Variants in TANGO6 observed in about 807,000 individuals in gnomAD.
TANGO6 encodes transport and golgi organization 6 homolog.
Under a neutral mutation model 114.2 loss-of-function variants are expected in TANGO6, and 90 were observed. That is an observed-to-expected ratio of 0.79 (90% CI 0.66 to 0.94). TANGO6 has a LOEUF of 0.94. TANGO6 is among the 40% of genes least tolerant of loss of function. TANGO6 has a pLI of 0.00. For missense variants in TANGO6, 1,274 were observed against 1,315.3 expected (o/e 0.97, Z 0.49); for synonymous variants, 477 against 509.8 (o/e 0.94, Z 0.87).
chr16:69,075,354 T>G (rs1477536695), intron 17 of TANGO6, among the ~76,000 whole-genome samples: 1 of 152,158 alleles, frequency 6.6e-6, no homozygotes, highest in Non-Finnish European at 1.5e-5. Context: ...CTACACAGAA[T>G]CACTGAAATT....
chr16:68,978,469 C>T (rs1163827010), intron 15 of TANGO6, among the ~76,000 whole-genome samples: 1 of 152,218 alleles, frequency 6.6e-6, no homozygotes, highest in Non-Finnish European at 1.5e-5. Flanking sequence ...CAACTGTAAA[C>T]ATAGCCTTAG....
intron 14 of TANGO6, among the ~76,000 whole-genome samples, chr16:68,942,261 G>A (rs368370374): frequency 2.0e-4 from 30 of 151,708 alleles, no homozygotes; most frequent in African/African-American, 6.5e-4. Flanking sequence ...GGCAGAGGTT[G>A]CATTGAGCCG....
In TANGO6 at chr16:68,930,259, C is replaced by A; in HGVS notation, c.2665C>A (p.His889Asn). ...CCAGATATTCTTGGAAAACTTGGAACATGAAGACACTTTTGTATATCTATC... is the reference window on the plus strand; with the variant it reads ...CCAGATATTCTTGGAAAACTTGGAAAATGAAGACACTTTTGTATATCTATC... ...LLKIFLENLE[H>N]EDTFVYLSAI... The change falls in exon 14 of 18, where the codon CAT becomes AAT. Residue 889 changes from histidine (H) to asparagine (N), a missense_variant. Coordinates refer to ENST00000261778, the MANE Select transcript of TANGO6 (RefSeq NM_024562.2). 6.4e-7 allele frequency: 1 copy of A among 1,554,376 alleles called. No individual in the cohort carries two copies. Among genetic ancestry groups the A allele is most frequent in the Non-Finnish European group, 8.7e-7 (1 of 1,147,846 alleles).
intron 16 of TANGO6, among the ~76,000 whole-genome samples, chr16:69,027,819 C>T (rs1291882463): frequency 8.0e-5 from 12 of 149,710 alleles, no homozygotes; most frequent in East Asian, 7.8e-4. Flanking sequence ...CTTGCTCTGT[C>T]GCCCAGACTG....
chr16:68,849,132 C>T (rs1248904580), intron 1 of TANGO6, among the ~76,000 whole-genome samples: 2 of 152,104 alleles, frequency 1.3e-5, no homozygotes, highest in African/African-American at 2.4e-5. Flanking sequence ...ATCAGGAGTT[C>T]GAGACCAGCT....
chr16:69,003,143 T>A (rs1163851847), intron 15 of TANGO6, among the ~76,000 whole-genome samples: 1 of 152,034 alleles, frequency 6.6e-6, no homozygotes, highest in Admixed American at 6.5e-5. Context: ...CCCTCAAAGG[T>A]ATTTTTCCAG....
At chr16:69,077,922 T>C (rs1960404925) in intron 17 of TANGO6, among the ~76,000 whole-genome samples, 1 of 152,128 alleles carries the variant, frequency 6.6e-6, no homozygotes, top group African/African-American at 2.4e-5. Flanking sequence ...ACACAATAAA[T>C]ATTTATTTTA....
rs1211343043 is a variant in TANGO6 at position 68,971,150 on chromosome 16, C to CA, written c.2702-2862dup. On this transcript the variant is annotated intron_variant, in intron 14 of 17. Coordinates refer to ENST00000261778, the MANE Select transcript of TANGO6 (RefSeq NM_024562.2). Reference sequence around the variant, plus strand: ...TGGGTGACAGAGCGAGACTCCATCTCAAAAAAAAAAAAAAAAGAAAGTTAT... The same window carrying CA: ...TGGGTGACAGAGCGAGACTCCATCTCAAAAAAAAAAAAAAAAAGAAAGTTAT... Among the ~76,000 whole-genome samples, 714 of 73,296 alleles carry CA rather than the reference C, an allele frequency of 9.7e-3. 3 individuals carry two copies. Among genetic ancestry groups the CA allele is most frequent in the Middle Eastern group, 0.032 (3 of 94 alleles). 48.1% of individuals were successfully genotyped at this position (73,296 alleles called of 152,430 possible).
intron 11 of TANGO6, among the ~76,000 whole-genome samples, chr16:68,913,650 C>T (rs1331866385): frequency 6.6e-6 from 1 of 151,778 alleles, no homozygotes; most frequent in Non-Finnish European, 1.5e-5. Context: ...CTCAGGTGAT[C>T]CACCCACCTT....
intron 15 of TANGO6, among the ~76,000 whole-genome samples, chr16:68,977,334 C>G (rs1963774505): frequency 6.6e-6 from 1 of 150,914 alleles, no homozygotes; most frequent in Admixed American, 6.6e-5. Context: ...CTTTTCTGAC[C>G]AATGGATTCA....
intron 15 of TANGO6, among the ~76,000 whole-genome samples, chr16:68,983,468 G>A (rs757021692): frequency 7.9e-5 from 12 of 152,094 alleles, no homozygotes; most frequent in Non-Finnish European, 1.6e-4. Flanking sequence ...TTCTGTGACT[G>A]TAGCTGGAAA....
intron 17 of TANGO6, among the ~76,000 whole-genome samples, chr16:69,069,645 T>C (rs1383153980): frequency 5.3e-5 from 8 of 152,196 alleles, no homozygotes; most frequent in Admixed American, 5.2e-4. Flanking sequence ...GTTATTCCTC[T>C]GTTTTTGTCT....
chr16:69,080,240 A>T (rs1040857096), intron 17 of TANGO6, among the ~76,000 whole-genome samples: 1 of 127,228 alleles, frequency 7.9e-6, no homozygotes, highest in African/African-American at 4.4e-5. Context: ...GGGGGAAAAA[A>T]TATGGTACAC....
At position 68,902,449 on chromosome 16, in the gene TANGO6, C is replaced by G. The variant is rs1962798264; in HGVS notation, c.1612C>G (p.Gln538Glu). The change falls in exon 9 of 18, where the codon CAG becomes GAG. Residue 538 changes from glutamine to glutamate, a missense_variant. Transcript: ENST00000261778. ...TGTGCCCTCTCTCCATTCTCTGTGTCAGTTTAGAGTTGCCACTCAAGGTGG... is the reference window on the plus strand; with the variant it reads ...TGTGCCCTCTCTCCATTCTCTGTGTGAGTTTAGAGTTGCCACTCAAGGTGG... ...KAVPSLHSLC[Q>E]FRVATQGGIM... The G allele has an allele frequency of 6.2e-7, 1 of 1,613,508 alleles. No individual in the cohort carries two copies. The highest frequency in any genetic ancestry group is 1.7e-5 in the Admixed American group (1 of 59,960).
Position 68,875,262 on chromosome 16 carries a change from A to G in TANGO6, c.1103A>G (p.Glu368Gly). 1 of 1,613,714 alleles carries G rather than the reference A, an allele frequency of 6.2e-7. No individual in the cohort carries two copies. Among genetic ancestry groups the G allele is most frequent in the Non-Finnish European group, 8.5e-7 (1 of 1,179,730 alleles). Residue 368 changes from glutamate to glycine, a missense_variant, in exon 5 of 18, where the codon GAG (glutamate) becomes GGG (glycine). Physicochemically the swap from Glu to Gly is moderately conservative, Grantham distance 98 (BLOSUM62 -2). Coordinates refer to ENST00000261778, the MANE Select transcript of TANGO6 (RefSeq NM_024562.2). ...TGTCCCCAGCAGTCTCTTTCACCAG[A>G]GAATTACTACAGGGACATCTGCCCC... is the stretch of plus-strand genomic sequence containing the variant. ...ASCPQQSLSP[E>G]NYYRDICPQV...
chr16:68,928,392 C>T (rs1963198406), intron 13 of TANGO6, among the ~76,000 whole-genome samples: 1 of 150,238 alleles, frequency 6.7e-6, no homozygotes, highest in South Asian at 2.1e-4. Context: ...GCAAGCTCCG[C>T]CTTCTGGGTT....
intron 14 of TANGO6, among the ~76,000 whole-genome samples, chr16:68,953,549 A>G (rs1431578695): frequency 6.6e-6 from 1 of 152,110 alleles, no homozygotes; most frequent in Non-Finnish European, 1.5e-5. Flanking sequence ...CTCTAAATAA[A>G]AGGTACATGG....
At chr16:69,031,666 T>G (rs1442604349) in intron 16 of TANGO6, among the ~76,000 whole-genome samples, 4 of 149,320 alleles carry the variant, frequency 2.7e-5, no homozygotes, top group African/African-American at 9.8e-5. Flanking sequence ...ACTAGTGACT[T>G]TTTTTTTTTG....
At chr16:68,893,802 T>C (rs17623365) in intron 7 of TANGO6, among the ~76,000 whole-genome samples, 8,731 of 148,288 alleles carry the variant, frequency 0.059, 309 homozygotes, top group Middle Eastern at 0.11. Flanking sequence ...CGTGAAGTAT[T>C]GTATTGTGTT....
Sources: allele counts gnomAD v4.1 joint callset (sites outside exome capture counted in the v4.1 genomes callset), GRCh38; gene constraint gnomAD v4.1.1; transcripts MANE v1.5; gene names NCBI Gene and HGNC (gene_info 2026-07-23, HGNC 2026-07-21).